The following SORCS2 variants were observed in gnomAD, a reference collection of about 807,000 sequenced individuals.
SORCS2 encodes sortilin related VPS10 domain containing receptor 2.
Under a neutral mutation model 141.6 loss-of-function variants are expected in SORCS2, and 100 were observed. The ratio of observed to expected loss-of-function variants is 0.71; its 90% CI spans 0.60 to 0.83. The LOEUF (loss-of-function observed/expected upper bound fraction) is 0.83, where lower values mean the gene tolerates loss of function less well. SORCS2 is among the 40% of genes least tolerant of loss of function. The probability of loss-of-function intolerance (pLI) is 0.00; values close to 1 mark genes in which losing one functional copy is unlikely to be tolerated. For synonymous variants in SORCS2, 789 were observed against 676.9 expected (o/e 1.17, Z -2.57); for missense variants, 1,646 against 1,560.2 (o/e 1.05, Z -0.93).
At chr4:7,694,995 G>A (rs1349470718) in intron 11 of SORCS2, among the ~76,000 whole-genome samples, 1 of 151,830 alleles carries the variant, frequency 6.6e-6, no homozygotes, top group African/African-American at 2.4e-5. Flanking sequence ...GTGTTCACCT[G>A]CACGGCCACC....
At chr4:7,711,110 G>T (rs893277933) in intron 14 of SORCS2, among the ~76,000 whole-genome samples, 3 of 152,194 alleles carry the variant, frequency 2.0e-5, no homozygotes, top group African/African-American at 2.4e-5. Context: ...ACAGAGGGAG[G>T]CCCCATGCTC....
At chr4:7,210,223 G>A (rs961693674) in intron 1 of SORCS2, among the ~76,000 whole-genome samples, 5 of 152,094 alleles carry the variant, frequency 3.3e-5, no homozygotes, top group South Asian at 2.1e-4. Flanking sequence ...CATCTTTGGC[G>A]CCCACCCACT....
chr4:7,585,580 A>G (rs1162175777), intron 3 of SORCS2, among the ~76,000 whole-genome samples: 1 of 152,228 alleles, frequency 6.6e-6, no homozygotes, highest in Non-Finnish European at 1.5e-5. Context: ...GGTATTGTAG[A>G]AACAACTTAT....
At chr4:7,546,603 C>T (rs546661566) in intron 3 of SORCS2, among the ~76,000 whole-genome samples, 15 of 152,270 alleles carry the variant, frequency 9.9e-5, no homozygotes, top group East Asian at 9.7e-4. Context: ...GCAGGGTGAC[C>T]GTGACACCTG....
intron 1 of SORCS2, among the ~76,000 whole-genome samples, chr4:7,238,031 G>A (rs1712408183): frequency 6.6e-6 from 1 of 152,098 alleles, no homozygotes; most frequent in African/African-American, 2.4e-5. Context: ...CATCTGCAAT[G>A]TGAAGTGCAT....
chr4:7,372,148 G>T (rs1263189194), intron 1 of SORCS2, among the ~76,000 whole-genome samples: 1 of 152,190 alleles, frequency 6.6e-6, no homozygotes, highest in Admixed American at 6.5e-5. Flanking sequence ...TTGGATCTGG[G>T]CACCCCAGAA....
At chr4:7,728,235 A>C in intron 21 of SORCS2, 115 bp from the exon 22 acceptor site, 1 of 668,124 alleles carries the variant, frequency 1.5e-6, no homozygotes, top group Non-Finnish European at 2.6e-6. Context: ...TGGGATCTGA[A>C]TCAAAGGCCT....
intron 2 of SORCS2, among the ~76,000 whole-genome samples, chr4:7,481,477 A>G (rs1730630818): frequency 6.6e-6 from 1 of 152,010 alleles, no homozygotes; most frequent in African/African-American, 2.4e-5. Context: ...ATCTGGGGAG[A>G]TCTGGACATG....
intron 3 of SORCS2, among the ~76,000 whole-genome samples, chr4:7,587,128 C>G (rs1387626495): frequency 6.6e-6 from 1 of 152,030 alleles, no homozygotes; most frequent in Non-Finnish European, 1.5e-5. Flanking sequence ...GGACAACCAC[C>G]AGGAAGAACA....
chr4:7,600,262 T>C (rs1178295239), intron 3 of SORCS2, among the ~76,000 whole-genome samples: 1 of 152,148 alleles, frequency 6.6e-6, no homozygotes, highest in East Asian at 1.9e-4. Context: ...CAACACGCAT[T>C]TATCTTACCA....
At chr4:7,520,025 G>A (rs1733224964) in intron 2 of SORCS2, among the ~76,000 whole-genome samples, 1 of 152,228 alleles carries the variant, frequency 6.6e-6, no homozygotes, top group Non-Finnish European at 1.5e-5. Context: ...TGGCCCCTGA[G>A]GAGGTGCCGG....
intron 2 of SORCS2, among the ~76,000 whole-genome samples, chr4:7,498,994 G>GGGGGGCA (rs1300014181): frequency 4.6e-5 from 7 of 152,000 alleles, no homozygotes; most frequent in Admixed American, 2.6e-4. Flanking sequence ...GCTGGGGAAA[G>GGGGGGCA]GGGGGCAGGG....
intron 1 of SORCS2, among the ~76,000 whole-genome samples, chr4:7,241,820 A>G (rs1034517043): frequency 6.6e-5 from 10 of 152,180 alleles, no homozygotes; most frequent in Non-Finnish European, 1.2e-4. Flanking sequence ...TGGGGAAATG[A>G]GCAAACATCT....
intron 4 of SORCS2, among the ~76,000 whole-genome samples, chr4:7,641,313 C>G (rs1453195587): frequency 1.1e-4 from 17 of 152,140 alleles, no homozygotes; most frequent in Admixed American, 1.1e-3. Flanking sequence ...GAAGGGGAAG[C>G]AGGCATCATC....
At chr4:7,466,406 G>A (rs13125852) in intron 2 of SORCS2, among the ~76,000 whole-genome samples, 51,149 of 152,024 alleles carry the variant, frequency 0.34, 8,994 homozygotes, top group Middle Eastern at 0.41. Context: ...GCTCAGTCAC[G>A]TGGCCACGCC....
chr4:7,496,776 A>G (rs1442165838), intron 2 of SORCS2, among the ~76,000 whole-genome samples: 3 of 152,252 alleles, frequency 2.0e-5, no homozygotes, highest in Non-Finnish European at 4.4e-5. Flanking sequence ...CGCCTTCACC[A>G]GGCGGGAGAT....
intron 3 of SORCS2, among the ~76,000 whole-genome samples, chr4:7,602,056 C>T (rs1717731257): frequency 6.6e-6 from 1 of 152,180 alleles, no homozygotes; most frequent in Non-Finnish European, 1.5e-5. Context: ...ATGGAGTCTC[C>T]CATGTCTACT....
chr4:7,674,853 C>T (rs1462455147), intron 8 of SORCS2, among the ~76,000 whole-genome samples: 1 of 150,940 alleles, frequency 6.6e-6, no homozygotes, highest in Non-Finnish European at 1.5e-5. Flanking sequence ...CAGATGAGAA[C>T]ATGCGAAGGG....
At chr4:7,530,283 G>A (rs1711532148) in intron 2 of SORCS2, among the ~76,000 whole-genome samples, 1 of 152,228 alleles carries the variant, frequency 6.6e-6, no homozygotes, top group Admixed American at 6.5e-5. Context: ...CCCACAGTCA[G>A]GCCACACACG....
Sources: allele counts gnomAD v4.1 joint callset (sites outside exome capture counted in the v4.1 genomes callset), GRCh38; gene constraint gnomAD v4.1.1; transcripts MANE v1.5; gene names NCBI Gene and HGNC (gene_info 2026-07-23, HGNC 2026-07-21).